The following TTC28 variants were observed in gnomAD, a reference collection of about 807,000 sequenced individuals.
TTC28 encodes tetratricopeptide repeat domain 28.
A neutral mutation model predicts 198.0 loss-of-function variants in TTC28; 61 were observed. The observed-to-expected ratio is 0.31, with a 90% CI of 0.25 to 0.38. TTC28 has a LOEUF of 0.38. Ranked by LOEUF, TTC28 falls within the 10% of genes least tolerant of loss-of-function variation. TTC28 has a pLI of 1.00. For missense variants in TTC28, 2,678 were observed against 3,164.0 expected, an observed-to-expected ratio of 0.85 and a Z score of 3.69; for synonymous variants, 1,171 against 1,297.8, an observed-to-expected ratio of 0.90 and a Z score of 2.10.
intron 2 of TTC28, among the ~76,000 whole-genome samples, chr22:28,549,209 A>G (rs1376952585): frequency 1.3e-5 from 2 of 151,770 alleles, no homozygotes; most frequent in Non-Finnish European, 2.9e-5. Flanking sequence ...TTTTATTGTT[A>G]GGAGAGATGG....
At chr22:27,985,420 C>T (rs1287109386) in intron 21 of TTC28, 64 bp from the exon 22 acceptor site, 14 of 1,298,074 alleles carry the variant, frequency 1.1e-5, no homozygotes, top group East Asian at 7.7e-5. Context: ...TGAACATGAG[C>T]GCTATAGGGC....
intron 2 of TTC28, among the ~76,000 whole-genome samples, chr22:28,570,093 C>T (rs1159552015): frequency 6.6e-6 from 1 of 152,102 alleles, no homozygotes; most frequent in Non-Finnish European, 1.5e-5. Context: ...GAATGATTAA[C>T]ATAGTTAATG....
chr22:28,354,108 T>G (rs1314257579), intron 2 of TTC28, among the ~76,000 whole-genome samples: 1 of 152,184 alleles, frequency 6.6e-6, no homozygotes, highest in Non-Finnish European at 1.5e-5. Flanking sequence ...GCAGCTGCTG[T>G]GGAAAATAGT....
chr22:28,113,726 G>T (rs970005126), intron 6 of TTC28, among the ~76,000 whole-genome samples: 1 of 152,216 alleles, frequency 6.6e-6, no homozygotes, highest in African/African-American at 2.4e-5. Context: ...TTGTGTGTGT[G>T]TGTTTATGAA....
chr22:28,096,469 A>G, intron 10 of TTC28, 61 bp from the exon 11 acceptor site: 1 of 1,520,426 alleles, frequency 6.6e-7, no homozygotes, highest in South Asian at 1.3e-5. Context: ...AGAGAGGCCT[A>G]TCAGGGACGG....
intron 5 of TTC28, among the ~76,000 whole-genome samples, chr22:28,197,784 G>A (rs1925526132): frequency 6.6e-6 from 1 of 152,054 alleles, no homozygotes; most frequent in African/African-American, 2.4e-5. Context: ...GGAGATTGAG[G>A]TAGGAGGATC....
Position 28,630,937 on chromosome 22 carries a change from A to G in TTC28, c.103-1107T>C, listed in dbSNP as rs2051163173. ...ATATATGGACACTATAATCTCAACT[A>G]TGTTAAGACAATTGCACTTAAAATA... On this transcript the variant is annotated intron_variant, in intron 1 of 22. Coordinates refer to ENST00000397906, the MANE Select transcript of TTC28 (RefSeq NM_001145418.2). Among the ~76,000 whole-genome samples, 6 of 152,326 alleles carry G rather than the reference A, an allele frequency of 3.9e-5. No individual in the cohort carries two copies. The South Asian group carries it at 1.2e-3, about 32-fold the overall frequency.
chr22:28,604,321 A>G (rs867631388), intron 2 of TTC28, among the ~76,000 whole-genome samples: 2 of 140,882 alleles, frequency 1.4e-5, no homozygotes, highest in African/African-American at 5.2e-5. Context: ...ATATATATAT[A>G]TGTCTTTACC....
rs1937042635 is a variant in TTC28, at chr22:27,982,211, A to AAAAG, written c.*6_*9dup. 2.7e-6 allele frequency: 4 copies of AAAAG among 1,463,224 alleles called. No individual in the cohort carries two copies. The highest frequency in any genetic ancestry group is 1.4e-5 in the African/African-American group (1 of 69,864). The allele number at this position is 1,463,224 out of a possible 1,614,324, so 90.6% of individuals were successfully genotyped here. A position where few individuals can be genotyped will look rare whatever the true frequency, so the allele number is the denominator to read the frequency against. On this transcript the variant is annotated 3_prime_UTR_variant, in exon 23 of 23. Transcript: ENST00000397906. The surrounding 1 kb of genome is among the most constrained non-coding windows in gnomAD (Gnocchi z 5.2). ...CAGGCTGCTCAGAGTCAGTGGGTAT[A>AAAAG]AAAGATGCTTTAGCATTTGGAAGAA...
At chr22:28,143,635 G>A (rs1943393446) in intron 6 of TTC28, among the ~76,000 whole-genome samples, 1 of 152,118 alleles carries the variant, frequency 6.6e-6, no homozygotes, top group Admixed American at 6.6e-5. Context: ...CGTGAGGGAG[G>A]GGCCAAGGAC....
chr22:28,117,896 CAAT>C (rs1942675522), intron 6 of TTC28, among the ~76,000 whole-genome samples: 1 of 151,722 alleles, frequency 6.6e-6, no homozygotes, highest in East Asian at 1.9e-4. Flanking sequence ...TGACTGTAGC[CAAT>C]AATAATTTAA....
At chr22:28,267,873 T>C (rs1016210408) in intron 5 of TTC28, among the ~76,000 whole-genome samples, 7 of 152,218 alleles carry the variant, frequency 4.6e-5, no homozygotes, top group African/African-American at 1.7e-4. Flanking sequence ...CACATTCCAA[T>C]GTAATAGGAC....
At chr22:28,214,554 A>G (rs545644290) in intron 5 of TTC28, among the ~76,000 whole-genome samples, 53 of 152,206 alleles carry the variant, frequency 3.5e-4, no homozygotes, top group Admixed American at 1.7e-3. Flanking sequence ...ATGGCCATCA[A>G]AGAAATGCAA....
At chr22:28,622,801 G>A (rs186577327) in intron 2 of TTC28, among the ~76,000 whole-genome samples, 12 of 152,094 alleles carry the variant, frequency 7.9e-5, no homozygotes, top group Admixed American at 2.6e-4. Flanking sequence ...AGGCTGGAAT[G>A]TCTATATTAA....
At chr22:28,439,667 T>A (rs1452300047) in intron 2 of TTC28, among the ~76,000 whole-genome samples, 1 of 152,160 alleles carries the variant, frequency 6.6e-6, no homozygotes, top group Non-Finnish European at 1.5e-5. Context: ...AATAAACACA[T>A]ATAGAGCAAT....
At chr22:28,114,110 C>T (rs923033713) in intron 6 of TTC28, among the ~76,000 whole-genome samples, 1 of 152,184 alleles carries the variant, frequency 6.6e-6, no homozygotes, top group Non-Finnish European at 1.5e-5. Flanking sequence ...GATTTCATTT[C>T]TAATGATCTT....
At chr22:28,677,397 A>T (rs1035568653) in intron 1 of TTC28, among the ~76,000 whole-genome samples, 59 of 152,172 alleles carry the variant, frequency 3.9e-4, no homozygotes, top group African/African-American at 1.3e-3. Flanking sequence ...CTGTAATTCC[A>T]GCACTTTGGG....
intron 1 of TTC28, among the ~76,000 whole-genome samples, chr22:28,646,850 C>A (rs923317675): frequency 6.6e-6 from 1 of 151,768 alleles, no homozygotes; most frequent in African/African-American, 2.4e-5. Context: ...GGCGACAGAA[C>A]GAAACTCTGT....
chr22:28,513,198 T>C (rs1355157308), intron 2 of TTC28, among the ~76,000 whole-genome samples: 10 of 152,052 alleles, frequency 6.6e-5, no homozygotes, highest in Admixed American at 6.6e-4. Flanking sequence ...AACCAGCCCA[T>C]ACTTTGAATT....
Sources: gnomAD v4.1 joint callset for allele counts (sites outside exome capture counted in the v4.1 genomes callset) on GRCh38, gnomAD v4.1.1 for gene constraint, Gnocchi (gnomAD v3.1) non-coding constraint, MANE v1.5 for transcripts, NCBI Gene and HGNC (gene_info 2026-07-23, HGNC 2026-07-21) for gene names.